Variants in SFXN4 observed in about 807,000 individuals in gnomAD.
The protein encoded by SFXN4 is sideroflexin 4, also known as sideroflexin-4.
Under a neutral mutation model 54.6 loss-of-function variants are expected in SFXN4, and 48 were observed. That is an observed-to-expected ratio of 0.88 (90% CI 0.70 to 1.12). The LOEUF is 1.12. Ranked by LOEUF, SFXN4 falls within the 50% of genes most tolerant of loss-of-function variation. The probability of loss-of-function intolerance (pLI) is 0.00; values close to 1 mark genes in which losing one functional copy is unlikely to be tolerated. For synonymous variants in SFXN4, 130 were observed against 145.5 expected, an observed-to-expected ratio of 0.89 and a Z score of 0.77; for missense variants, 383 against 409.2, an observed-to-expected ratio of 0.94 and a Z score of 0.55.
At chr10:119,157,538 A>T (rs1248801582) in intron 9 of SFXN4, 130 bp downstream of exon 9, 1 of 688,626 alleles carries the variant, frequency 1.5e-6, no homozygotes, top group Non-Finnish European at 2.4e-6. Flanking sequence ...ATACAATTAC[A>T]GGTGACTTTT....
chr10:119,156,492 T>A (rs759618588), intron 10 of SFXN4, among the ~76,000 whole-genome samples, 186 bp downstream of exon 10: 13 of 152,190 alleles, frequency 8.5e-5, no homozygotes, highest in Non-Finnish European at 1.5e-4. Flanking sequence ...AATGTGGGTA[T>A]CTACAGAAAG....
intron 13 of SFXN4, among the ~76,000 whole-genome samples, chr10:119,143,411 T>C (rs571499980): frequency 3.2e-4 from 49 of 151,936 alleles, no homozygotes; most frequent in Admixed American, 1.7e-3. Context: ...TGTGACCCCA[T>C]TGTAGCCTTG....
intron 6 of SFXN4, 180 bp from the exon 7 acceptor site, chr10:119,158,242 C>T (rs1564824666): frequency 1.6e-6 from 1 of 634,654 alleles, no homozygotes; most frequent in East Asian, 2.8e-5. Context: ...ACCTGCCAAA[C>T]ACCAAACTAG....
At chr10:119,162,495 C>A in intron 2 of SFXN4, 81 bp from the exon 3 acceptor site, 1 of 1,162,120 alleles carries the variant, frequency 8.6e-7, no homozygotes, top group Non-Finnish European at 1.3e-6. Flanking sequence ...CACCAGCTCA[C>A]TCACCAGCAT....
Position 119,157,430 on chromosome 10 carries a change from C to CA in SFXN4, c.537+237dup, listed in dbSNP as rs35373900. 2.7e-3 allele frequency among the ~76,000 whole-genome samples: 310 copies of CA among 116,034 alleles called. 1 individual carries two copies. The highest frequency in any genetic ancestry group is 3.5e-3 in the Non-Finnish European group (191 of 54,984). The allele number at this position is 116,034 out of a possible 152,430, so 76.1% of individuals were successfully genotyped here. On this transcript the variant is annotated intron_variant, in intron 9 of 13. Coordinates refer to ENST00000355697, the MANE Select transcript of SFXN4 (RefSeq NM_213649.2). The stretch of plus-strand genomic sequence containing the variant: ...TGGGCAACAGAGCAAGACTGTGTCT[C>CA]AAAAAAAAAAAAAAAAGAAAATAGA...
chr10:119,143,864 C>T (rs1447564047), intron 13 of SFXN4, among the ~76,000 whole-genome samples: 2 of 152,142 alleles, frequency 1.3e-5, no homozygotes, highest in South Asian at 2.1e-4. Flanking sequence ...AATCTTCCCA[C>T]GTTGGTCTCC....
intron 3 of SFXN4, 90 bp from the exon 4 acceptor site, chr10:119,161,171 T>C (rs1847515461): frequency 1.6e-6 from 2 of 1,288,566 alleles, no homozygotes; most frequent in Admixed American, 3.7e-5. Context: ...TGGGGTATAG[T>C]GGCACAATCA....
At chr10:119,156,646 C>T in intron 10 of SFXN4, 32 bp downstream of exon 10, 2 of 1,550,376 alleles carry the variant, frequency 1.3e-6, no homozygotes, top group Admixed American at 1.7e-5. Context: ...GACACCCCAC[C>T]CAGACTGCAG....
Position 119,141,023 on chromosome 10 carries a change from G to T in SFXN4, c.*219C>A. ...CAACCGTTCCCTCAGCAACCCCAGG[G>T]GTGTCAGACGGGGCACCCTCCCACT... is the stretch of plus-strand genomic sequence containing the variant. On this transcript the variant is annotated 3_prime_UTR_variant, in exon 14 of 14. Coordinates refer to ENST00000355697, the MANE Select transcript of SFXN4 (RefSeq NM_213649.2). 2.2e-6 allele frequency: 1 copy of T among 456,800 alleles called. No homozygotes were observed. Among genetic ancestry groups the T allele is most frequent in the East Asian group, 3.6e-5 (1 of 27,992 alleles). 28.3% of individuals were successfully genotyped at this position (456,800 alleles called of 1,614,324 possible).
At chr10:119,142,538 T>C (rs1226503639) in intron 13 of SFXN4, among the ~76,000 whole-genome samples, 3 of 114,818 alleles carry the variant, frequency 2.6e-5, no homozygotes, top group Admixed American at 1.3e-4. Context: ...CAACAGGATA[T>C]TTTGTGTCTT....
At chr10:119,141,461 CCT>C in intron 13 of SFXN4, 142 bp from the exon 14 acceptor site, 1 of 268,468 alleles carries the variant, frequency 3.7e-6, no homozygotes. Context: ...GAAAATGTAA[CCT>C]ATTTTTTTTT....
intron 13 of SFXN4, among the ~76,000 whole-genome samples, chr10:119,144,381 C>T (rs1469547630): frequency 6.6e-6 from 1 of 151,826 alleles, no homozygotes; most frequent in East Asian, 1.9e-4. Context: ...GGCATGAACC[C>T]GAGAGGTGGA....
At chr10:119,146,441 G>GTGTA (rs1420277370) in intron 12 of SFXN4, 88 bp from the exon 13 acceptor site, 1 of 569,738 alleles carries the variant, frequency 1.8e-6, no homozygotes, top group African/African-American at 2.5e-5. Context: ...GTGTGTGTGT[G>GTGTA]TGTGTGTGTG....
intron 2 of SFXN4, among the ~76,000 whole-genome samples, chr10:119,163,451 G>A (rs1257187195): frequency 1.3e-5 from 2 of 152,092 alleles, no homozygotes; most frequent in African/African-American, 4.8e-5. Context: ...AGGCTGGAGT[G>A]CAGTGGCAAG....
At chr10:119,158,311 C>G (rs913804361) in intron 6 of SFXN4, among the ~76,000 whole-genome samples, 3 of 152,122 alleles carry the variant, frequency 2.0e-5, no homozygotes, top group Non-Finnish European at 4.4e-5. Context: ...CTTAGTCCAG[C>G]AGGGTAGCTA....
Sources: allele counts gnomAD v4.1 joint callset (sites outside exome capture counted in the v4.1 genomes callset), GRCh38; gene constraint gnomAD v4.1.1; transcripts MANE v1.5; gene names NCBI Gene and HGNC (gene_info 2026-07-23, HGNC 2026-07-21).